The following CDH18 variants were observed in gnomAD, a reference collection of about 807,000 sequenced individuals.
CDH18 encodes the protein cadherin-18.
A neutral mutation model predicts 67.9 loss-of-function variants in CDH18; 31 were observed. The ratio of observed to expected loss-of-function variants is 0.46; its 90% CI spans 0.34 to 0.62. CDH18 has a LOEUF of 0.62. Ranked by LOEUF, CDH18 falls within the 20% of genes least tolerant of loss-of-function variation. The probability of loss-of-function intolerance (pLI) is 0.01; values close to 1 mark genes in which losing one functional copy is unlikely to be tolerated. For synonymous variants in CDH18, 362 were observed against 347.2 expected (o/e 1.04, Z -0.48); for missense variants, 890 against 975.5 (o/e 0.91, Z 1.17).
intron 1 of CDH18, among the ~76,000 whole-genome samples, chr5:20,514,573 G>T (rs10057867): frequency 0.047 from 7,077 of 152,108 alleles, 504 homozygotes; most frequent in African/African-American, 0.15. Context: ...TACATGAGCT[G>T]ATTGTAGTAG....
chr5:19,613,196 C>T (rs1194550353), intron 5 of CDH18, among the ~76,000 whole-genome samples: 1 of 152,004 alleles, frequency 6.6e-6, no homozygotes, highest in African/African-American at 2.4e-5. Flanking sequence ...AGTCCTGCCA[C>T]CCTATTCCTA....
chr5:20,549,707 T>G (rs1757530430), intron 1 of CDH18, among the ~76,000 whole-genome samples: 1 of 152,080 alleles, frequency 6.6e-6, no homozygotes, highest in Non-Finnish European at 1.5e-5. Flanking sequence ...AGACATGAAA[T>G]GTACTGAAAT....
At chr5:20,453,473 G>T (rs1287423765) in intron 1 of CDH18, among the ~76,000 whole-genome samples, 1 of 151,978 alleles carries the variant, frequency 6.6e-6, no homozygotes, top group Non-Finnish European at 1.5e-5. Flanking sequence ...AATACCCCAT[G>T]CATTGCTTAG....
chr5:20,079,274 T>C (rs1292289551), intron 2 of CDH18, among the ~76,000 whole-genome samples: 1 of 152,162 alleles, frequency 6.6e-6, no homozygotes, highest in Non-Finnish European at 1.5e-5. Flanking sequence ...TTCCATGAGT[T>C]TGACGTCTTT....
At chr5:19,765,712 A>T (rs1772988879) in intron 3 of CDH18, among the ~76,000 whole-genome samples, 1 of 152,094 alleles carries the variant, frequency 6.6e-6, no homozygotes, top group Non-Finnish European at 1.5e-5. Context: ...GAAGACAGTT[A>T]AAGAGTGTCT....
At chr5:19,770,857 G>C (rs1773655771) in intron 3 of CDH18, among the ~76,000 whole-genome samples, 1 of 152,122 alleles carries the variant, frequency 6.6e-6, no homozygotes, top group African/African-American at 2.4e-5. Flanking sequence ...ATTTTGGGGG[G>C]CAAATAACAT....
chr5:20,044,874 T>C (rs1740774468), intron 2 of CDH18, among the ~76,000 whole-genome samples: 1 of 152,172 alleles, frequency 6.6e-6, no homozygotes, highest in Non-Finnish European at 1.5e-5. Flanking sequence ...ATTTTCCCTC[T>C]ATTTTTATAA....
chr5:20,023,083 T>A (rs1038037086), intron 2 of CDH18, among the ~76,000 whole-genome samples: 1 of 152,174 alleles, frequency 6.6e-6, no homozygotes, highest in East Asian at 1.9e-4. Flanking sequence ...TAATAGAGTA[T>A]GTTTTCTCCC....
intron 2 of CDH18, among the ~76,000 whole-genome samples, chr5:20,117,496 C>G (rs1561804244): frequency 6.6e-6 from 1 of 152,148 alleles, no homozygotes; most frequent in East Asian, 1.9e-4. Flanking sequence ...TTGTTTAGAG[C>G]TAGTGGAGAT....
At chr5:20,336,179 C>T (rs968658332) in intron 1 of CDH18, among the ~76,000 whole-genome samples, 5 of 152,002 alleles carry the variant, frequency 3.3e-5, no homozygotes, top group African/African-American at 7.2e-5. Flanking sequence ...CTGGTGGACC[C>T]GACTGCCTCA....
At chr5:19,585,504 T>C (rs922186519) in intron 7 of CDH18, among the ~76,000 whole-genome samples, 2 of 152,184 alleles carry the variant, frequency 1.3e-5, no homozygotes, top group Admixed American at 1.3e-4. Context: ...GGAGGCATAC[T>C]ATCTTAGGTT....
chr5:19,959,480 T>C (rs1796585107), intron 2 of CDH18, among the ~76,000 whole-genome samples: 1 of 152,092 alleles, frequency 6.6e-6, no homozygotes, highest in Non-Finnish European at 1.5e-5. Context: ...TTCCCACTTA[T>C]TCAGTCTTTT....
At chr5:19,952,828 AT>A (rs890630966) in intron 2 of CDH18, among the ~76,000 whole-genome samples, 29 of 152,270 alleles carry the variant, frequency 1.9e-4, no homozygotes, top group African/African-American at 7.0e-4. Flanking sequence ...AGAAATGAGG[AT>A]TTGTCACAAT....
At chr5:20,247,450 G>A (rs903884891) in intron 2 of CDH18, among the ~76,000 whole-genome samples, 3 of 152,176 alleles carry the variant, frequency 2.0e-5, no homozygotes, top group Admixed American at 2.0e-4. Context: ...TAGGTAAGAT[G>A]AAATTGGTAT....
chr5:20,532,202 C>T (rs987542676), intron 1 of CDH18, among the ~76,000 whole-genome samples: 2 of 152,012 alleles, frequency 1.3e-5, no homozygotes, highest in African/African-American at 4.8e-5. Flanking sequence ...ACACAAAATG[C>T]TGTGATTCGG....
intron 2 of CDH18, among the ~76,000 whole-genome samples, chr5:20,177,514 T>C (rs1003366844): frequency 1.3e-5 from 2 of 152,282 alleles, no homozygotes; most frequent in Non-Finnish European, 2.9e-5. Flanking sequence ...TGAGTTGTGA[T>C]GGTTAATTTT....
intron 3 of CDH18, among the ~76,000 whole-genome samples, chr5:19,748,112 C>CAAAAAAAAAAAAAAAAA (rs766955714): frequency 0.022 from 333 of 14,850 alleles, 141 homozygotes; most frequent in East Asian, 0.075. Flanking sequence ...GACTCCATCT[C>CAAAAAAAAAAAAAAAAA]AAAAAAAAAA....
chr5:19,878,442 T>A (rs1270682229), intron 2 of CDH18, among the ~76,000 whole-genome samples: 1 of 152,150 alleles, frequency 6.6e-6, no homozygotes, highest in African/African-American at 2.4e-5. Context: ...GATCTTTTCA[T>A]GCTGCCCTGG....
chr5:20,409,484 A>G (rs1236477780), intron 1 of CDH18, among the ~76,000 whole-genome samples: 1 of 151,042 alleles, frequency 6.6e-6, no homozygotes, highest in East Asian at 1.9e-4. Flanking sequence ...TTTAAAAATC[A>G]TGACATACCA....
Sources: allele counts gnomAD v4.1 joint callset (sites outside exome capture counted in the v4.1 genomes callset), GRCh38; gene constraint gnomAD v4.1.1; transcripts MANE v1.5; gene names NCBI Gene and HGNC (gene_info 2026-07-23, HGNC 2026-07-21).